The following DMD variants were observed in gnomAD, a reference collection of about 807,000 sequenced individuals.
DMD encodes the protein mutant dystrophin.
A neutral mutation model predicts 330.1 loss-of-function variants in DMD; 63 were observed. The ratio of observed to expected loss-of-function variants is 0.19; its 90% CI spans 0.16 to 0.24. The LOEUF (loss-of-function observed/expected upper bound fraction) is 0.24, where lower values mean the gene tolerates loss of function less well. DMD is among the 10% of genes least tolerant of loss of function. The probability of loss-of-function intolerance (pLI) is 1.00; values close to 1 mark genes in which losing one functional copy is unlikely to be tolerated. For synonymous variants in DMD, 1,223 were observed against 959.8 expected (o/e 1.27, Z -5.07); for missense variants, 3,344 against 2,684.1 (o/e 1.25, Z -5.43).
At chrX:31,449,802 A>AGATT (rs2065588468) in intron 59 of DMD, among the ~76,000 whole-genome samples, 1 of 97,925 alleles carries the variant, frequency 1.0e-5, no homozygotes, top group Non-Finnish European at 2.0e-5. Context: ...ATATATAGAT[A>AGATT]GATAGATAGA....
chrX:32,362,429 T>C (rs2147227437), intron 37 of DMD, among the ~76,000 whole-genome samples: 1 of 112,010 alleles, frequency 8.9e-6, no homozygotes, highest in African/African-American at 3.2e-5. Flanking sequence ...GGATGACTTG[T>C]GTGCTTTTGG....
intron 1 of DMD, among the ~76,000 whole-genome samples, chrX:33,260,994 G>C (rs760168683): frequency 6.3e-5 from 7 of 111,304 alleles, no homozygotes; most frequent in African/African-American, 2.3e-4. Context: ...TCAAGAACCT[G>C]TATTATAGAC....
intron 16 of DMD, among the ~76,000 whole-genome samples, chrX:32,554,943 G>GAAAGAAAGGAAAGAAAGAAAGAA (rs1569190988): frequency 5.5e-5 from 1 of 18,264 alleles, no homozygotes; most frequent in Non-Finnish European, 8.4e-5. Context: ...GAAAGAAAGA[G>GAAAGAAAGGAAAGAAAGAAAGAA]AGAGAGAGGG....
chrX:31,425,178 C>CT (rs1569540912), intron 60 of DMD, among the ~76,000 whole-genome samples: 1 of 111,680 alleles, frequency 9.0e-6, no homozygotes, highest in African/African-American at 3.3e-5. Flanking sequence ...ATTTCATTAC[C>CT]TGAAGGGACA....
At chrX:32,645,930 T>C (rs1037989128) in intron 9 of DMD, among the ~76,000 whole-genome samples, 2 of 111,556 alleles carry the variant, frequency 1.8e-5, no homozygotes, top group African/African-American at 6.5e-5. Context: ...AGGGTACCTG[T>C]TAAAAAATTG....
intron 63 of DMD, among the ~76,000 whole-genome samples, chrX:31,224,893 G>A (rs1475498943): frequency 1.8e-5 from 2 of 112,138 alleles, no homozygotes; most frequent in African/African-American, 6.5e-5. Flanking sequence ...GCACAAAACA[G>A]TACATACTGT....
At chrX:32,847,840 A>C (rs1488784910) in intron 3 of DMD, among the ~76,000 whole-genome samples, 2 of 112,267 alleles carry the variant, frequency 1.8e-5, no homozygotes, top group African/African-American at 3.2e-5. Context: ...GCGTCTATGT[A>C]TGTATATGCA....
chrX:33,137,097 G>T (rs1227097525), intron 1 of DMD, among the ~76,000 whole-genome samples: 1 of 110,282 alleles, frequency 9.1e-6, no homozygotes, highest in Non-Finnish European at 1.9e-5. Context: ...TCATTTATTG[G>T]AATTTGTTAT....
At chrX:32,745,964 G>A (rs1289618189) in intron 7 of DMD, among the ~76,000 whole-genome samples, 2 of 112,031 alleles carry the variant, frequency 1.8e-5, no homozygotes. Flanking sequence ...AAAGCCAGTA[G>A]GAAACACAAA....
chrX:32,563,181 T>C, intron 16 of DMD, among the ~76,000 whole-genome samples: 1 of 107,915 alleles, frequency 9.3e-6, no homozygotes, highest in East Asian at 2.9e-4. Context: ...TCTACTAAAA[T>C]TACAAAAAAT....
chrX:33,206,648 T>G (rs955309559), intron 1 of DMD, among the ~76,000 whole-genome samples: 1 of 111,792 alleles, frequency 8.9e-6, no homozygotes, highest in African/African-American at 3.2e-5. Flanking sequence ...TCCAGAAAAT[T>G]GCTCTGTGTG....
At chrX:32,857,875 A>G (rs1391205984) in intron 2 of DMD, among the ~76,000 whole-genome samples, 1 of 111,548 alleles carries the variant, frequency 9.0e-6, no homozygotes, top group Non-Finnish European at 1.9e-5. Context: ...CCAAACTTAA[A>G]TACATAGACC....
chrX:32,430,326 T>G (rs1031893687), intron 29 of DMD, among the ~76,000 whole-genome samples: 1 of 111,761 alleles, frequency 8.9e-6, no homozygotes, highest in Non-Finnish European at 1.9e-5. Flanking sequence ...TGCTTTCTGT[T>G]TAAGTGGTTT....
chrX:32,722,101 C>CT (rs966689128), intron 7 of DMD, among the ~76,000 whole-genome samples: 11 of 109,676 alleles, frequency 1.0e-4, no homozygotes, highest in African/African-American at 3.3e-4. Context: ...GTATTTCCAA[C>CT]TTTTTTTTCC....
At chrX:32,189,246 T>C (rs1266926007) in intron 44 of DMD, among the ~76,000 whole-genome samples, 2 of 109,965 alleles carry the variant, frequency 1.8e-5, no homozygotes, top group African/African-American at 6.6e-5. Context: ...GTGGAGGTCT[T>C]GCTACTTTTG....
chrX:32,517,893 C>A (rs959282082), intron 18 of DMD, 115 bp downstream of exon 18: 34 of 838,848 alleles, frequency 4.1e-5, no homozygotes, highest in Non-Finnish European at 5.9e-5. Context: ...ACATATTAAA[C>A]AGCATTTTAT....
chrX:31,187,697 C>T (rs2041901047), intron 67 of DMD, among the ~76,000 whole-genome samples: 1 of 96,156 alleles, frequency 1.0e-5, no homozygotes, highest in African/African-American at 3.9e-5. Flanking sequence ...TTAATCAGCT[C>T]TGGAATCTTC....
intron 50 of DMD, among the ~76,000 whole-genome samples, chrX:31,806,374 CCT>C (rs2092291354): frequency 8.9e-6 from 1 of 111,974 alleles, no homozygotes; most frequent in South Asian, 3.7e-4. Flanking sequence ...TCCTGATTCT[CCT>C]CTTATTCAGT....
intron 41 of DMD, among the ~76,000 whole-genome samples, chrX:32,340,005 C>T (rs1034467092): frequency 2.7e-5 from 3 of 111,534 alleles, no homozygotes; most frequent in Non-Finnish European, 3.8e-5. Context: ...GACTCTAGGG[C>T]GTAAGAATTG....
Sources: allele counts gnomAD v4.1 joint callset (sites outside exome capture counted in the v4.1 genomes callset), GRCh38; gene constraint gnomAD v4.1.1; transcripts MANE v1.5; gene names NCBI Gene and HGNC (gene_info 2026-07-23, HGNC 2026-07-21).